IL1RAP: variants seen among roughly 807,000 people sequenced by gnomAD.
The protein encoded by IL1RAP is interleukin 1 receptor accessory protein.
A neutral mutation model predicts 60.7 loss-of-function variants in IL1RAP; 35 were observed. The observed-to-expected ratio is 0.58, with a 90% confidence interval of 0.44 to 0.76. The LOEUF is 0.76. Ranked by LOEUF, IL1RAP falls within the 30% of genes least tolerant of loss-of-function variation. IL1RAP has a pLI of 0.00. For synonymous variants in IL1RAP, 268 were observed against 250.9 expected (o/e 1.07, Z -0.64); for missense variants, 572 against 693.9 (o/e 0.82, Z 1.97).
intron 1 of IL1RAP, among the ~76,000 whole-genome samples, chr3:190,516,620 T>C (rs548741326): frequency 9.2e-5 from 14 of 152,344 alleles, no homozygotes; most frequent in East Asian, 3.9e-4. Context: ...CCAGGTTTTG[T>C]GGTCAGACCT....
intron 3 of IL1RAP, among the ~76,000 whole-genome samples, chr3:190,572,458 C>T (rs184830755): frequency 6.9e-6 from 1 of 145,830 alleles, no homozygotes; most frequent in Non-Finnish European, 1.5e-5. Flanking sequence ...GAGAGAGAGA[C>T]CTTTTTTTGA....
chr3:190,532,544 G>T (rs554164399), intron 1 of IL1RAP, among the ~76,000 whole-genome samples: 1 of 152,254 alleles, frequency 6.6e-6, no homozygotes, highest in African/African-American at 2.4e-5. Flanking sequence ...TAATCATCTT[G>T]TCTAATTCCA....
chr3:190,634,277 A>G (rs1445595252), intron 9 of IL1RAP, among the ~76,000 whole-genome samples: 4 of 149,582 alleles, frequency 2.7e-5, no homozygotes, highest in African/African-American at 9.9e-5. Flanking sequence ...ATTTTTGTTC[A>G]TGTTAAGAAT....
chr3:190,528,462 A>G (rs73198206), intron 1 of IL1RAP, among the ~76,000 whole-genome samples: 9,756 of 152,284 alleles, frequency 0.064, 545 homozygotes, highest in African/African-American at 0.15. Context: ...CAGTCTTCAT[A>G]TAAGGTGATA....
chr3:190,543,685 G>A (rs1724132906), intron 1 of IL1RAP, among the ~76,000 whole-genome samples: 1 of 152,156 alleles, frequency 6.6e-6, no homozygotes, highest in African/African-American at 2.4e-5. Flanking sequence ...TAAAGGGGAA[G>A]GAAGGCACGG....
In IL1RAP at chr3:190,615,260, A is replaced by G. The variant is rs752096059; in HGVS notation, c.538-5015A>G. 5 of 1,184,928 alleles carry G rather than the reference A, an allele frequency of 4.2e-6. No individual in the cohort carries two copies. In the South Asian group the frequency reaches 6.4e-5, roughly 15 times the overall value. The allele number at this position is 1,184,928 out of a possible 1,614,324, so 73.4% of individuals were successfully genotyped here. The stretch of plus-strand genomic sequence containing the variant: ...TTACAGAATTTCAAACAGCTGGCTT[A>G]TAAAACAAATTCTGAAATATACCAT... On this transcript the variant is annotated intron_variant, in intron 5 of 11. Transcript: ENST00000447382.
chr3:190,639,061 A>C (rs1026699686), intron 9 of IL1RAP, among the ~76,000 whole-genome samples: 5 of 151,946 alleles, frequency 3.3e-5, no homozygotes, highest in Middle Eastern at 6.8e-3. Context: ...CCTTTTCTTT[A>C]TTGATTTTGA....
intron 1 of IL1RAP, among the ~76,000 whole-genome samples, chr3:190,549,209 C>T (rs924383459): frequency 2.0e-5 from 3 of 152,170 alleles, no homozygotes; most frequent in Non-Finnish European, 2.9e-5. Flanking sequence ...GAACCAGGCT[C>T]CTCCCTCTTG....
At chr3:190,542,842 C>A (rs370215609) in intron 1 of IL1RAP, among the ~76,000 whole-genome samples, 1 of 149,174 alleles carries the variant, frequency 6.7e-6, no homozygotes. Context: ...AATGGCCATT[C>A]GAGTTATCCA....
At chr3:190,523,538 T>C (rs1722259814) in intron 1 of IL1RAP, among the ~76,000 whole-genome samples, 1 of 151,984 alleles carries the variant, frequency 6.6e-6, no homozygotes, top group Non-Finnish European at 1.5e-5. Context: ...CACCCTCCAA[T>C]GGGCCCCAGT....
At chr3:190,559,386 T>C (rs1725695211) in intron 2 of IL1RAP, among the ~76,000 whole-genome samples, 2 of 152,138 alleles carry the variant, frequency 1.3e-5, no homozygotes, top group African/African-American at 4.8e-5. Context: ...TTGAAATTAT[T>C]TGATTTCTAC....
At chr3:190,544,901 C>G (rs1724239662) in intron 1 of IL1RAP, among the ~76,000 whole-genome samples, 1 of 152,154 alleles carries the variant, frequency 6.6e-6, no homozygotes, top group South Asian at 2.1e-4. Flanking sequence ...TAAAGCATAG[C>G]CTTTCAAAAT....
chr3:190,552,137 T>A (rs1724919349), intron 1 of IL1RAP, among the ~76,000 whole-genome samples: 2 of 152,206 alleles, frequency 1.3e-5, no homozygotes, highest in South Asian at 4.1e-4. Context: ...GGAAGCCTGA[T>A]AAGTATGTAA....
chr3:190,550,542 G>A (rs1361738967), intron 1 of IL1RAP: 2 of 152,304 alleles, frequency 1.3e-5, no homozygotes, highest in Admixed American at 6.5e-5. Context: ...TTGGGTGCAT[G>A]GCGCTTGGCT....
chr3:190,651,071 A>AT lies in IL1RAP; in HGVS notation c.*2375dup, dbSNP rs926482946. On this transcript the variant is annotated 3_prime_UTR_variant, in exon 12 of 12. Transcript: ENST00000447382. ...TCATTGCAAGAGAATTTGTTTCAAG[A>AT]TTTTTTTTTAATGTTCCAGAAGATG... The AT allele has an allele frequency of 1.7e-4, 161 of 967,108 alleles. No homozygotes were observed. The highest frequency in any genetic ancestry group is 2.9e-4 in the South Asian group (6 of 20,892). The allele number at this position is 967,108 out of a possible 1,614,324, so 59.9% of individuals were successfully genotyped here. A position where few individuals can be genotyped will look rare whatever the true frequency, so the allele number is the denominator to read the frequency against.
chr3:190,595,157 G>C (rs1729275118), intron 3 of IL1RAP, among the ~76,000 whole-genome samples: 1 of 152,158 alleles, frequency 6.6e-6, no homozygotes, highest in Admixed American at 6.5e-5. Flanking sequence ...GTGTTAGAAG[G>C]TGAGCTCCGT....
chr3:190,622,342 A>C (rs1293195401), intron 6 of IL1RAP, among the ~76,000 whole-genome samples: 1 of 152,208 alleles, frequency 6.6e-6, no homozygotes, highest in Non-Finnish European at 1.5e-5. Flanking sequence ...GCTCTTCTAT[A>C]CAAAGTAATT....
In IL1RAP at chr3:190,572,950, G is replaced by A. The variant is rs1338406896; in HGVS notation, c.64+8597G>A. On this transcript the variant is annotated intron_variant, in intron 3 of 11. Transcript: ENST00000447382. ...GGGATCTCGGCTCACTGCAAGCTCC[G>A]CCTCCCGGGTTCACGCCATTCTCCT... 1.2e-4 allele frequency among the ~76,000 whole-genome samples: 11 copies of A among 89,254 alleles called. 1 individual carries two copies. In the South Asian group the frequency reaches 2.1e-3, roughly 17 times the overall value. The allele number at this position is 89,254 out of a possible 152,430, so 58.6% of individuals were successfully genotyped here. A position where few individuals can be genotyped will look rare whatever the true frequency, so the allele number is the denominator to read the frequency against.
chr3:190,524,025 T>A (rs1362875384), intron 1 of IL1RAP, among the ~76,000 whole-genome samples: 2 of 152,160 alleles, frequency 1.3e-5, no homozygotes, highest in Non-Finnish European at 1.5e-5. Flanking sequence ...CTTGCCAGCA[T>A]CTGTTATTTT....
Sources: allele counts gnomAD v4.1 joint callset (sites outside exome capture counted in the v4.1 genomes callset), GRCh38; gene constraint gnomAD v4.1.1; transcripts MANE v1.5; gene names NCBI Gene and HGNC (gene_info 2026-07-23, HGNC 2026-07-21).